PLCH2: variants seen among roughly 807,000 people sequenced by gnomAD.
PLCH2 encodes 1-phosphatidylinositol 4,5-bisphosphate phosphodiesterase eta-2.
PLCH2 carries 98 observed loss-of-function variants against 134.7 expected under a neutral mutation model. That is an observed-to-expected ratio of 0.73 (90% confidence interval 0.62 to 0.86). The LOEUF is 0.86. Among genes scored for constraint, PLCH2 ranks in the 40% least tolerant of loss-of-function variants. The pLI, the probability that PLCH2 is intolerant of heterozygous loss-of-function variation, is 0.00. For synonymous variants in PLCH2, 974 were observed against 827.5 expected (o/e 1.18, Z -3.04); for missense variants, 1,994 against 1,986.6 (o/e 1.00, Z -0.07).
upstream of PLCH2, among the ~76,000 whole-genome samples, chr1:2,425,273 A>G (rs1181909334): frequency 6.7e-6 from 1 of 150,206 alleles, no homozygotes; most frequent in African/African-American, 2.5e-5. Context: ...ACACATATAC[A>G]CACACATATA....
chr1:2,498,025 G>T lies in PLCH2; in HGVS notation c.2224+416G>T. ...CAGACACCTCTGTTTTGTCTGCTGT[G>T]GATGACTTCCAGCTTGGTCCCCCTG... On this transcript the variant is annotated intron_variant, in intron 16 of 21. Transcript: ENST00000378486. This position sits in a 1 kb window ranked among gnomAD's most constrained non-coding sequence, Gnocchi z 5.4. The T allele has an allele frequency of 4.2e-6, 1 of 237,692 alleles. No individual in the cohort carries two copies. The highest frequency in any genetic ancestry group is 8.2e-6 in the Non-Finnish European group (1 of 121,722). The allele number at this position is 237,692 out of a possible 1,614,324, so 14.7% of individuals were successfully genotyped here.
rs974834447 is a variant in PLCH2, at chr1:2,445,644, G to T, written c.115+15015G>T. 5.9e-5 allele frequency among the ~76,000 whole-genome samples: 9 copies of T among 152,194 alleles called. No homozygotes were observed. The South Asian group carries it at 6.2e-4, about 11-fold the overall frequency. On this transcript the variant is annotated intron_variant, in intron 2 of 3. Coordinates refer to the PLCH2 transcript ENST00000609981. ...ACCAGGTAGGGACCCTGCCCAGAGG[G>T]GGGAGGCAGAGGAGCTGGTGGGCAG...
At chr1:2,455,099 C>T (rs796873221) in intron 2 of PLCH2, among the ~76,000 whole-genome samples, 1 of 152,210 alleles carries the variant, frequency 6.6e-6, no homozygotes, top group Admixed American at 6.5e-5. Flanking sequence ...TGATGCTGAG[C>T]CCCCAGCGGA....
chr1:2,457,045 C>A (rs1039837911), intron 2 of PLCH2, among the ~76,000 whole-genome samples: 43 of 152,334 alleles, frequency 2.8e-4, no homozygotes, highest in Admixed American at 2.7e-3. Flanking sequence ...CCTCCAGAAC[C>A]CCCCGGGGCT....
chr1:2,502,448 C>T (rs571713446), intron 21 of PLCH2, 39 bp downstream of exon 21: 10 of 1,533,284 alleles, frequency 6.5e-6, no homozygotes, highest in East Asian at 4.9e-5. Flanking sequence ...GAGCCCTGTG[C>T]GAGTGCGGCC....
intron 13 of PLCH2, among the ~76,000 whole-genome samples, chr1:2,496,007 T>A (rs918606999): frequency 1.3e-5 from 2 of 152,208 alleles, no homozygotes; most frequent in Admixed American, 6.5e-5. Flanking sequence ...CTTTGAGGTC[T>A]CAAACCTACA....
At position 2,498,397 on chromosome 1, in the gene PLCH2, TC is replaced by T; in HGVS notation, c.2225-121del. Reference sequence around the variant, plus strand: ...CCCCCTGGACCACTGCCTCCCTCCCTCCCCCTGGCACCGGCTCCAGTCTCCT... The same window carrying T: ...CCCCCTGGACCACTGCCTCCCTCCCTCCCCTGGCACCGGCTCCAGTCTCCT... On this transcript the variant is annotated intron_variant, in intron 16 of 21. Transcript: ENST00000378486. The surrounding 1 kb of genome is among the most constrained non-coding windows in gnomAD (Gnocchi z 5.4). 9.2e-7 allele frequency: 1 copy of T among 1,085,792 alleles called. No individual in the cohort carries two copies. The highest frequency in any genetic ancestry group is 1.3e-6 in the Non-Finnish European group (1 of 767,658). 67.3% of individuals were successfully genotyped at this position (1,085,792 alleles called of 1,614,324 possible). A position where few individuals can be genotyped will look rare whatever the true frequency, so the allele number is the denominator to read the frequency against.
chr1:2,419,249 C>T, the PLCH2 span, among the ~76,000 whole-genome samples: 1 of 152,202 alleles, frequency 6.6e-6, no homozygotes, highest in Admixed American at 6.5e-5. Context: ...CAGTGGAGGC[C>T]TTGGGCTGTG....
At position 2,504,810 on chromosome 1, in the gene PLCH2, C is replaced by T. The variant is rs1012851304; in HGVS notation, c.3848C>T (p.Pro1283Leu). The T allele has an allele frequency of 1.2e-5, 20 of 1,611,198 alleles. No individual in the cohort carries two copies. Among genetic ancestry groups the T allele is most frequent in the Admixed American group, 3.3e-5 (2 of 59,926 alleles). Reference sequence around the variant, plus strand: ...AGACTGAGCCACAGCCTGGGCCTCCCGGGAGGGACACGGCGGGTGTCGGGG... The same window carrying T: ...AGACTGAGCCACAGCCTGGGCCTCCTGGGAGGGACACGGCGGGTGTCGGGG... The part of the protein sequence containing the change: ...SRRLSHSLGL[P>L]GGTRRVSGPG... Residue 1283 changes from proline (P) to leucine (L), a missense_variant, in exon 22 of 22, where the codon CCG (proline) becomes CTG (leucine). This residue lies in a region of PLCH2 where 900 missense variants were observed against 752.3 expected (regional missense o/e 1.20). Transcript: ENST00000378486.
At chr1:2,488,021 T>C (rs1456865643) in intron 8 of PLCH2, among the ~76,000 whole-genome samples, 1 of 152,222 alleles carries the variant, frequency 6.6e-6, no homozygotes, top group Non-Finnish European at 1.5e-5. Flanking sequence ...CCACTCTGTG[T>C]CCAGACTCAA....
At chr1:2,458,974 G>A (rs986976165) in intron 2 of PLCH2, among the ~76,000 whole-genome samples, 40 of 152,266 alleles carry the variant, frequency 2.6e-4, no homozygotes, top group African/African-American at 9.6e-4. Flanking sequence ...GGCCACGCCG[G>A]TCTTGCAGCG....
chr1:2,456,169 G>C (rs961919893), intron 2 of PLCH2, among the ~76,000 whole-genome samples: 3 of 152,210 alleles, frequency 2.0e-5, no homozygotes, highest in Non-Finnish European at 4.4e-5. Context: ...CCTTGGGCCT[G>C]TCACAGGGCT....
rs551952649 is a variant in PLCH2 at position 2,495,468 on chromosome 1, C to T, written c.1753-20C>T. The stretch of plus-strand genomic sequence containing the variant: ...CCTGGGCCAGAGGCCCTACAGCTCA[C>T]ACCTCTGCCCCCCGCACAGAAGAAG... On this transcript the variant is annotated intron_variant, in intron 12 of 21. Coordinates refer to ENST00000378486, the MANE Select transcript of PLCH2 (RefSeq NM_014638.4). The T allele has an allele frequency of 2.6e-6, 4 of 1,548,950 alleles. No individual in the cohort carries two copies. In the East Asian group the frequency reaches 7.3e-5, roughly 28 times the overall value.
In PLCH2 at chr1:2,499,207, T is replaced by C. The variant is rs1033437490; in HGVS notation, c.2558T>C (p.Leu853Pro). The C allele has an allele frequency of 2.5e-6, 4 of 1,612,998 alleles. No homozygotes were observed. The highest frequency in any genetic ancestry group is 3.4e-6 in the Non-Finnish European group (4 of 1,179,786). Residue 853 changes from leucine (L) to proline (P), a missense_variant, in exon 19 of 22, where the codon CTG becomes CCG. Physicochemically the swap from Leu to Pro is moderately conservative, Grantham distance 98 (BLOSUM62 -3). Coordinates refer to ENST00000378486, the MANE Select transcript of PLCH2 (RefSeq NM_014638.4). ...CGTGACTTCATTGGCCAGAGGACGC[T>C]GGCCTTCAGCAGCATGATGCCAGGT... ...IGRDFIGQRT[L>P]AFSSMMPGYR...
chr1:2,462,148 C>T (rs562833699), intron 2 of PLCH2, among the ~76,000 whole-genome samples: 1 of 122,650 alleles, frequency 8.2e-6, no homozygotes, highest in South Asian at 2.9e-4. Flanking sequence ...CCGCCTGACA[C>T]CCCTACACCT....
chr1:2,472,455 G>T (rs1212946153), upstream of PLCH2, among the ~76,000 whole-genome samples: 1 of 152,222 alleles, frequency 6.6e-6, no homozygotes, highest in Non-Finnish European at 1.5e-5. Context: ...GGGGGGCGCG[G>T]AAGAGCCAGG....
At chr1:2,502,903 C>A (rs750509130) in intron 21 of PLCH2, 51 of 717,082 alleles carry the variant, frequency 7.1e-5, no homozygotes, top group Non-Finnish European at 1.1e-4. Context: ...CCCCCATGTT[C>A]TCCGCCGGTA....
intron 21 of PLCH2, 108 bp from the exon 22 acceptor site, chr1:2,503,814 C>A (rs1331178176): frequency 1.8e-4 from 113 of 624,720 alleles, no homozygotes; most frequent in Non-Finnish European, 2.3e-5. Flanking sequence ...CGGCACAGGG[C>A]ACCGGGGACA....
chr1:2,431,218 G>A (rs1313302893), intron 2 of PLCH2, among the ~76,000 whole-genome samples: 5 of 151,806 alleles, frequency 3.3e-5, no homozygotes, highest in South Asian at 2.1e-4. Context: ...CTCTCTGGGC[G>A]GCCGCTCCCA....
Sources: allele counts gnomAD v4.1 joint callset (sites outside exome capture counted in the v4.1 genomes callset), GRCh38; gene constraint gnomAD v4.1.1; regional missense constraint gnomAD v4.1.1; non-coding constraint Gnocchi (gnomAD v3.1); transcripts MANE v1.5; gene names NCBI Gene and HGNC (gene_info 2026-07-23, HGNC 2026-07-21).